Variants in ACTN1 observed in about 807,000 individuals in gnomAD.
The protein encoded by ACTN1 is actinin alpha 1.
In ACTN1, 30 loss-of-function variants were observed where a neutral mutation model predicts 119.6. The ratio of observed to expected loss-of-function variants is 0.25; its 90% confidence interval spans 0.19 to 0.34. ACTN1 has a LOEUF of 0.34. Among genes scored for constraint, ACTN1 ranks in the 10% least tolerant of loss-of-function variants. The pLI is 1.00. For synonymous variants in ACTN1, 429 were observed against 472.6 expected (o/e 0.91, Z 1.20); for missense variants, 764 against 1,223.4 (o/e 0.62, Z 5.60).
intron 11 of ACTN1, among the ~76,000 whole-genome samples, chr14:68,888,809 T>G (rs2032239354): frequency 6.6e-6 from 1 of 152,176 alleles, no homozygotes; most frequent in Admixed American, 6.5e-5. Flanking sequence ...TATGAGAATC[T>G]AATGCCTGAT....
Position 68,875,029 on chromosome 14 carries a change from G to C in ACTN1, c.2587-12C>G, listed in dbSNP as rs201818845. The C allele has an allele frequency of 5.6e-6, 9 of 1,612,036 alleles. No individual in the cohort carries two copies. In the East Asian group the frequency reaches 8.9e-5, roughly 16 times the overall value. On this transcript the variant is annotated splice_polypyrimidine_tract_variant and intron_variant, in intron 21 of 21. Coordinates refer to ENST00000394419, the MANE Select transcript of ACTN1 (RefSeq NM_001130004.2). ...ATGGTAATGTAGTTCTGCGAGGAGAGAGTGGTCAGGAAGGCCGCAAAGTCC... is the reference window on the plus strand; with the variant it reads ...ATGGTAATGTAGTTCTGCGAGGAGACAGTGGTCAGGAAGGCCGCAAAGTCC...
Position 68,890,233 on chromosome 14 carries a change from C to T in ACTN1, c.1140G>A (p.Glu380=). 1 of 1,614,232 alleles carries T rather than the reference C, an allele frequency of 6.2e-7. No homozygotes were observed. The highest frequency in any genetic ancestry group is 8.5e-7 in the Non-Finnish European group (1 of 1,180,042). The change falls in exon 11 of 22, where the codon GAG becomes GAA. Residue 380 remains glutamate, a synonymous_variant. Coordinates refer to ENST00000394419, the MANE Select transcript of ACTN1 (RefSeq NM_001130004.2). ...CLEQVEKGYE[E]WLLNEIRRLE... is the part of the protein sequence containing the mutation. ...GCCTCCGGATCTCATTCAGCAACCA[C>T]TCCTCATAGCCCTTCTCCACCTGCT...
At chr14:68,918,427 TAAAA>T (rs1378462770) in intron 3 of ACTN1, among the ~76,000 whole-genome samples, 1 of 142,254 alleles carries the variant, frequency 7.0e-6, no homozygotes, top group East Asian at 2.1e-4. Flanking sequence ...TAAAAATATT[TAAAA>T]AAAAATTAGC....
In ACTN1 at chr14:68,892,039, C is replaced by T; in HGVS notation, c.1086+14G>A. ...AGTCCAGTCTGGGGGCCCAGGCTCA[C>T]CCCCAGTGCTCACCGAGACCATCCT... On this transcript the variant is annotated intron_variant, in intron 10 of 21. Coordinates refer to ENST00000394419, the MANE Select transcript of ACTN1 (RefSeq NM_001130004.2). 3 of 1,612,136 alleles carry T rather than the reference C, an allele frequency of 1.9e-6. No homozygotes were observed. The highest frequency in any genetic ancestry group is 1.1e-5 in the South Asian group (1 of 90,962).
intron 1 of ACTN1, among the ~76,000 whole-genome samples, chr14:68,956,854 T>C (rs537325758): frequency 2.4e-4 from 37 of 152,258 alleles, no homozygotes; most frequent in African/African-American, 7.2e-4. Flanking sequence ...TTAGAGTTCA[T>C]TGTGGTTTTC....
At position 68,880,167 on chromosome 14, in the gene ACTN1, C is replaced by T; in HGVS notation, c.2134-59G>A. On this transcript the variant is annotated intron_variant, in intron 17 of 21. Transcript: ENST00000394419. The surrounding 1 kb of genome is among the most constrained non-coding windows in gnomAD (Gnocchi z 4.6). ...GTCCCAGGCCTGGGCTCCTGGCGGC[C>T]CCTGCCCATCCTACTCCCCAACCAT... is the stretch of plus-strand genomic sequence containing the variant. The T allele has an allele frequency of 5.7e-6, 9 of 1,580,130 alleles. No individual in the cohort carries two copies. Among genetic ancestry groups the T allele is most frequent in the Non-Finnish European group, 7.7e-6 (9 of 1,161,700 alleles).
chr14:68,895,867 C>T (rs1315464741), intron 8 of ACTN1, among the ~76,000 whole-genome samples: 1 of 152,144 alleles, frequency 6.6e-6, no homozygotes, highest in Non-Finnish European at 1.5e-5. Flanking sequence ...CTGACTACTC[C>T]AGAGTCAGGG....
Position 68,890,256 on chromosome 14 carries a change from G to T in ACTN1, c.1117C>A (p.Gln373Lys), listed in dbSNP as rs2032374399. Residue 373 changes from glutamine to lysine, a missense_variant, in exon 11 of 22, where the codon CAG becomes AAG. Gln to Lys is a moderately conservative substitution (Grantham distance 53). Transcript: ENST00000394419. ...CACTCCTCATAGCCCTTCTCCACCTGCTCCAGGCAGCCCCAGGCATTGTTG... is the reference window on the plus strand; with the variant it reads ...CACTCCTCATAGCCCTTCTCCACCTTCTCCAGGCAGCCCCAGGCATTGTTG... ...DINNAWGCLE[Q>K]VEKGYEEWLL... The T allele has an allele frequency of 6.2e-7, 1 of 1,614,216 alleles. No individual in the cohort carries two copies. The highest frequency in any genetic ancestry group is 8.5e-7 in the Non-Finnish European group (1 of 1,180,044).
intron 6 of ACTN1, among the ~76,000 whole-genome samples, chr14:68,908,712 C>T (rs529784052): frequency 1.1e-3 from 166 of 152,292 alleles, no homozygotes; most frequent in Admixed American, 2.2e-3. Flanking sequence ...TGTCGTCCAA[C>T]CAGCTCAGAC....
At chr14:68,902,038 C>T (rs2033376949) in intron 8 of ACTN1, among the ~76,000 whole-genome samples, 1 of 152,212 alleles carries the variant, frequency 6.6e-6, no homozygotes, top group South Asian at 2.1e-4. Flanking sequence ...GATGCCTTTG[C>T]CAAGTGGGTA....
intron 10 of ACTN1, among the ~76,000 whole-genome samples, 195 bp from the exon 11 acceptor site, chr14:68,890,481 C>G (rs1360720798): frequency 6.6e-6 from 1 of 152,178 alleles, no homozygotes; most frequent in African/African-American, 2.4e-5. Flanking sequence ...CTCCCAGGAG[C>G]CAGGCCTCCT....
intron 8 of ACTN1, among the ~76,000 whole-genome samples, chr14:68,899,045 C>T (rs1418801361): frequency 1.4e-5 from 2 of 144,362 alleles, no homozygotes; most frequent in Non-Finnish European, 3.1e-5. Context: ...ACACATGCCA[C>T]ACCTCACACC....
At chr14:68,890,650 GC>G (rs1311795309) in intron 10 of ACTN1, among the ~76,000 whole-genome samples, 3 of 152,146 alleles carry the variant, frequency 2.0e-5, no homozygotes, top group Non-Finnish European at 2.9e-5. Context: ...AAGGCAAAGG[GC>G]CCCCGAGGTA....
At chr14:68,957,816 G>A (rs1023771716) in intron 1 of ACTN1, among the ~76,000 whole-genome samples, 6 of 152,206 alleles carry the variant, frequency 3.9e-5, no homozygotes, top group East Asian at 1.9e-4. Flanking sequence ...GTAGAGGGGC[G>A]TGTCTACCTG....
chr14:68,949,361 C>A (rs923260355), intron 1 of ACTN1, among the ~76,000 whole-genome samples: 3 of 152,208 alleles, frequency 2.0e-5, no homozygotes, highest in Admixed American at 6.5e-5. Flanking sequence ...AAAGGCCCTT[C>A]TGCACCACAA....
chr14:68,904,771 G>A, intron 6 of ACTN1, 35 bp from the exon 7 acceptor site: 11 of 1,581,160 alleles, frequency 7.0e-6, no homozygotes, highest in Non-Finnish European at 9.6e-6. Context: ...ATGATAAAGT[G>A]AGAGCCACCA....
chr14:68,971,752 C>T (rs1566683122), intron 1 of ACTN1, among the ~76,000 whole-genome samples: 1 of 152,222 alleles, frequency 6.6e-6, no homozygotes, highest in African/African-American at 2.4e-5. Flanking sequence ...GAAGACCCCA[C>T]TCCCTCTTAA....
chr14:68,945,845 T>C (rs967317339), intron 1 of ACTN1, among the ~76,000 whole-genome samples: 15 of 152,166 alleles, frequency 9.9e-5, no homozygotes, highest in African/African-American at 3.6e-4. Context: ...GCAGATCTAA[T>C]TGAAAGGTCT....
At chr14:68,921,158 G>A (rs756360276) in intron 2 of ACTN1, 33 bp from the exon 3 acceptor site, 49 of 1,611,500 alleles carry the variant, frequency 3.0e-5, no homozygotes, top group Non-Finnish European at 4.1e-5. Flanking sequence ...AGAGGAAGGT[G>A]AGACGCTATG....
Sources: gnomAD v4.1 joint callset for allele counts (sites outside exome capture counted in the v4.1 genomes callset) on GRCh38, gnomAD v4.1.1 for gene constraint, Gnocchi (gnomAD v3.1) non-coding constraint, MANE v1.5 for transcripts, NCBI Gene and HGNC (gene_info 2026-07-23, HGNC 2026-07-21) for gene names.